The following PCSK1 variants were observed in gnomAD, a reference collection of about 807,000 sequenced individuals.
PCSK1 encodes proprotein convertase subtilisin/kexin type 1, also known as neuroendocrine convertase 1.
In PCSK1, 56 loss-of-function variants were observed where a neutral mutation model predicts 90.6. The ratio of observed to expected loss-of-function variants is 0.62; its 90% CI spans 0.50 to 0.77. The LOEUF is 0.77. Among genes scored for constraint, PCSK1 ranks in the 30% least tolerant of loss-of-function variants. PCSK1 has a pLI of 0.00. For missense variants in PCSK1, 801 were observed against 932.6 expected, an observed-to-expected ratio of 0.86 and a Z score of 1.84; for synonymous variants, 348 against 342.4, an observed-to-expected ratio of 1.02 and a Z score of -0.18.
chr5:96,390,565 A>G lies in PCSK1; in HGVS notation c.*2436T>C, dbSNP rs1759906438. On this transcript the variant is annotated 3_prime_UTR_variant, in exon 14 of 14. Coordinates refer to ENST00000311106, the MANE Select transcript of PCSK1 (RefSeq NM_000439.5). ...CATACATGTACTTTTTTTCATTGAC[A>G]GAGGAACATGCCTTTCAAAAATATT... 1 of 152,612 alleles carries G rather than the reference A, an allele frequency of 6.6e-6. No homozygotes were observed. The highest frequency in any genetic ancestry group is 1.5e-5 in the Non-Finnish European group (1 of 68,034). The allele number at this position is 152,612 out of a possible 1,614,324, so 9.5% of individuals were successfully genotyped here.
At chr5:96,402,769 G>T (rs1293451559) in intron 9 of PCSK1, among the ~76,000 whole-genome samples, 1 of 152,066 alleles carries the variant, frequency 6.6e-6, no homozygotes, top group Non-Finnish European at 1.5e-5. Context: ...TGACAGCTCA[G>T]CTCACCTGAG....
chr5:96,411,663 A>G (rs79995995), intron 7 of PCSK1, among the ~76,000 whole-genome samples: 3,684 of 152,308 alleles, frequency 0.024, 148 homozygotes, highest in African/African-American at 0.084. Flanking sequence ...AAGAAGACTG[A>G]GTAGTTTTTT....
At chr5:96,427,281 AAC>A (rs1182088585) in intron 2 of PCSK1, among the ~76,000 whole-genome samples, 1 of 152,232 alleles carries the variant, frequency 6.6e-6, no homozygotes, top group Non-Finnish European at 1.5e-5. Flanking sequence ...AATTGTAGAA[AAC>A]AGTGTTATGA....
intron 2 of PCSK1, among the ~76,000 whole-genome samples, chr5:96,428,736 C>CT (rs1029391010): frequency 3.9e-5 from 6 of 152,014 alleles, no homozygotes; most frequent in African/African-American, 7.2e-5. Context: ...AAATAATAGA[C>CT]TTTTTTTTCA....
intron 3 of PCSK1, 111 bp downstream of exon 3, chr5:96,425,709 C>G: frequency 1.4e-6 from 1 of 693,578 alleles, no homozygotes; most frequent in Admixed American, 2.1e-5. Flanking sequence ...AATATAGCTC[C>G]CTATGAAATT....
chr5:96,404,598 T>C (rs572628456), intron 9 of PCSK1, among the ~76,000 whole-genome samples: 44 of 152,286 alleles, frequency 2.9e-4, no homozygotes, highest in African/African-American at 8.9e-4. Flanking sequence ...AACTCATAAA[T>C]GCATGTTCAT....
At chr5:96,421,504 T>A (rs1430636947) in intron 5 of PCSK1, among the ~76,000 whole-genome samples, 2 of 152,218 alleles carry the variant, frequency 1.3e-5, no homozygotes, top group Non-Finnish European at 2.9e-5. Flanking sequence ...TTACATATAT[T>A]TCTTTTCATG....
chr5:96,403,795 C>T (rs1760465883), intron 9 of PCSK1, among the ~76,000 whole-genome samples: 1 of 152,302 alleles, frequency 6.6e-6, no homozygotes, highest in South Asian at 2.1e-4. Flanking sequence ...CTAACTTGGA[C>T]TTTCTAACAT....
At chr5:96,413,116 C>T (rs1274487533) in intron 6 of PCSK1, 3 of 183,506 alleles carry the variant, frequency 1.6e-5, no homozygotes, top group Non-Finnish European at 3.1e-5. Flanking sequence ...TAAAAATAAC[C>T]CAGAGGCCAT....
intron 5 of PCSK1, among the ~76,000 whole-genome samples, chr5:96,420,663 C>A (rs1348337381): frequency 6.8e-6 from 1 of 147,014 alleles, no homozygotes; most frequent in Non-Finnish European, 1.5e-5. Flanking sequence ...GGAGGGAAGA[C>A]TATCCAAAGA....
At chr5:96,430,022 T>C (rs1172335722) in intron 1 of PCSK1, among the ~76,000 whole-genome samples, 1 of 152,246 alleles carries the variant, frequency 6.6e-6, no homozygotes, top group African/African-American at 2.4e-5. Context: ...TCAGTGCCAC[T>C]TTCCACTAAA....
At chr5:96,421,737 A>G in intron 5 of PCSK1, 143 bp downstream of exon 5, 1 of 676,942 alleles carries the variant, frequency 1.5e-6, no homozygotes, top group Admixed American at 2.4e-5. Context: ...CTGTTTTAAA[A>G]GCAACAAAAT....
Position 96,393,335 on chromosome 5 carries a change from G to C in PCSK1, c.1928C>G (p.Ser643Cys), listed in dbSNP as rs142453906. 3 of 1,613,946 alleles carry C rather than the reference G, an allele frequency of 1.9e-6. No homozygotes were observed. In the African/African-American group the frequency reaches 4.0e-5, roughly 22 times the overall value. The stretch of plus-strand genomic sequence containing the variant: ...TACGCTGCTGCTGCTGGGGCTTTTG[G>C]ACACCAGGGTGTTCTCCTTAGGGTT... ...QENPKENTLVSKSPSSSSVGG... is the reference protein window; with the variant it reads ...QENPKENTLVCKSPSSSSVGG... Residue 643 changes from serine to cysteine, a missense_variant, in exon 14 of 14, where the codon TCC (serine) becomes TGC (cysteine). Coordinates refer to ENST00000311106, the MANE Select transcript of PCSK1 (RefSeq NM_000439.5).
chr5:96,408,317 C>T lies in PCSK1; in HGVS notation c.1102G>A (p.Ala368Thr), dbSNP rs765646029. The change falls in exon 9 of 14, where the codon GCT becomes ACT. Residue 368 changes from alanine to threonine, a missense_variant. Ala to Thr is a moderately conservative substitution (Grantham distance 58). Coordinates refer to ENST00000311106, the MANE Select transcript of PCSK1 (RefSeq NM_000439.5). ...TCCGTGCAGTCATTGTGCAGGTCAG[C>T]GCTCGTCTGGATGACGTCAGGAAGG... Reference protein sequence around the residue: ...GDYTDQRITSADLHNDCTETH... With the variant: ...GDYTDQRITSTDLHNDCTETH... 7 of 1,613,084 alleles carry T rather than the reference C, an allele frequency of 4.3e-6. No individual in the cohort carries two copies. In the South Asian group the frequency reaches 5.5e-5, roughly 13 times the overall value.
In PCSK1 at chr5:96,426,866, C is replaced by T. The variant is rs1449082125; in HGVS notation, c.286-936G>A. ...GGATAAAACCATCCACTAAGACTGC[C>T]CTCAATTTTCAATTAAAAATATACT... On this transcript the variant is annotated intron_variant, in intron 2 of 13. Transcript: ENST00000311106. Among the ~76,000 whole-genome samples, 7 of 151,976 alleles carry T rather than the reference C, an allele frequency of 4.6e-5. No homozygotes were observed. In the South Asian group the frequency reaches 6.2e-4, roughly 14 times the overall value.
At position 96,418,575 on chromosome 5, in the gene PCSK1, G is replaced by A. The variant is rs556119018; in HGVS notation, c.621-2454C>T. Reference sequence around the variant, plus strand: ...TGTAGCTTCTATTAATCTCATTTACGTGGTAATAAAGAACAACAGCAATAC... The same window carrying A: ...TGTAGCTTCTATTAATCTCATTTACATGGTAATAAAGAACAACAGCAATAC... On this transcript the variant is annotated intron_variant, in intron 5 of 13. Coordinates refer to ENST00000311106, the MANE Select transcript of PCSK1 (RefSeq NM_000439.5). Among the ~76,000 whole-genome samples, 8 of 152,150 alleles carry A rather than the reference G, an allele frequency of 5.3e-5. No individual in the cohort carries two copies. In the South Asian group the frequency reaches 6.2e-4, roughly 12 times the overall value.
chr5:96,400,856 G>GA (rs11395420), intron 9 of PCSK1, among the ~76,000 whole-genome samples: 49,132 of 150,848 alleles, frequency 0.33, 8,533 homozygotes, highest in African/African-American at 0.48. Flanking sequence ...GGGAGGCCGA[G>GA]GCGGGCGGAT....
chr5:96,418,593 A>T (rs184687784), intron 5 of PCSK1, among the ~76,000 whole-genome samples: 3 of 152,356 alleles, frequency 2.0e-5, no homozygotes, highest in African/African-American at 7.2e-5. Context: ...AAAGAACAAC[A>T]GCAATACTGA....
rs1424774712 is a variant in PCSK1, at chr5:96,391,146, G to T, written c.*1855C>A. The T allele has an allele frequency of 3.3e-5, 5 of 152,134 alleles. No homozygotes were observed. The highest frequency in any genetic ancestry group is 1.2e-4 in the African/African-American group (5 of 41,414). The allele number at this position is 152,134 out of a possible 1,614,324, so 9.4% of individuals were successfully genotyped here. ...TCAAACAATATATGAAACTTCCAAG[G>T]ACAGAGTGATTCCGCAAGTCTTTTA... On this transcript the variant is annotated 3_prime_UTR_variant, in exon 14 of 14. Transcript: ENST00000311106.
Sources: gnomAD v4.1 joint callset for allele counts (sites outside exome capture counted in the v4.1 genomes callset) on GRCh38, gnomAD v4.1.1 for gene constraint, MANE v1.5 for transcripts, NCBI Gene and HGNC (gene_info 2026-07-23, HGNC 2026-07-21) for gene names.